The following STAG1 variants were observed in gnomAD, a reference collection of about 807,000 sequenced individuals.
STAG1 encodes STAG1 cohesin complex component, also known as cohesin subunit SA-1.
A neutral mutation model predicts 170.9 loss-of-function variants in STAG1; 26 were observed. That is an observed-to-expected ratio of 0.15 (90% CI 0.11 to 0.21). The LOEUF (loss-of-function observed/expected upper bound fraction) is 0.21, where lower values mean the gene tolerates loss of function less well. STAG1 is among the 10% of genes least tolerant of loss of function. The probability of loss-of-function intolerance (pLI) is 1.00; values close to 1 mark genes in which losing one functional copy is unlikely to be tolerated. For missense variants in STAG1, 964 were observed against 1,509.5 expected (o/e 0.64, Z 5.99); for synonymous variants, 514 against 497.7 (o/e 1.03, Z -0.44).
rs765599791 is a variant in STAG1 at position 136,452,143 on chromosome 3, A to G, written c.1318T>C (p.Phe440Leu). ...AAGEFLHKKL[F>L]SRHDPQAEEA... ...TCTGCTTGTGGGTCATGTCTGCTAA[A>G]TAGCCTGGAAATGAAAAACAGGGCA... Residue 440 changes from phenylalanine (F) to leucine (L), a missense_variant, in exon 14 of 34, where the codon TTT becomes CTT. By Grantham distance (22) the Phe-to-Leu change is conservative. Coordinates refer to ENST00000383202, the MANE Select transcript of STAG1 (RefSeq NM_005862.3). 5 of 1,609,712 alleles carry G rather than the reference A, an allele frequency of 3.1e-6. No homozygotes were observed. Among genetic ancestry groups the G allele is most frequent in the South Asian group, 1.1e-5 (1 of 90,610 alleles).
At chr3:136,714,563 C>A (rs1943469150) in intron 1 of STAG1, among the ~76,000 whole-genome samples, 1 of 151,586 alleles carries the variant, frequency 6.6e-6, no homozygotes, top group South Asian at 2.1e-4. Flanking sequence ...CCCGTCTCTA[C>A]TAAAAATACA....
At chr3:136,719,766 T>C (rs1303416284) in intron 1 of STAG1, among the ~76,000 whole-genome samples, 1 of 151,962 alleles carries the variant, frequency 6.6e-6, no homozygotes, top group African/African-American at 2.4e-5. Flanking sequence ...CAGGGCAATC[T>C]AGGATGGACT....
intron 32 of STAG1, among the ~76,000 whole-genome samples, chr3:136,339,395 T>C (rs1016711011): frequency 6.6e-6 from 1 of 152,166 alleles, no homozygotes; most frequent in African/African-American, 2.4e-5. Context: ...TGGTGGCATG[T>C]GCCTATAGTG....
chr3:136,403,542 G>A (rs909976378), intron 21 of STAG1, among the ~76,000 whole-genome samples: 1 of 151,980 alleles, frequency 6.6e-6, no homozygotes, highest in East Asian at 1.9e-4. Context: ...ATAATAATGA[G>A]GTCTGAATGG....
chr3:136,604,541 C>G, intron 3 of STAG1, 68 bp from the exon 4 acceptor site: 1 of 1,317,382 alleles, frequency 7.6e-7, no homozygotes, highest in Admixed American at 2.8e-5. Flanking sequence ...ATGATCACTA[C>G]TATAGAAGAA....
At chr3:136,585,952 T>C (rs1350846051) in intron 4 of STAG1, among the ~76,000 whole-genome samples, 1 of 152,162 alleles carries the variant, frequency 6.6e-6, no homozygotes, top group African/African-American at 2.4e-5. Flanking sequence ...TCAAACCAAA[T>C]TTATTGAGAA....
chr3:136,499,557 A>G (rs1284346309), intron 9 of STAG1, among the ~76,000 whole-genome samples: 2 of 152,192 alleles, frequency 1.3e-5, no homozygotes, highest in Non-Finnish European at 2.9e-5. Context: ...CATCACATCT[A>G]ATCAACAGAA....
intron 7 of STAG1, among the ~76,000 whole-genome samples, chr3:136,504,396 C>A (rs1933648268): frequency 6.6e-6 from 1 of 152,144 alleles, no homozygotes; most frequent in East Asian, 1.9e-4. Flanking sequence ...GAAAATGTTT[C>A]TTTCCCTGTG....
chr3:136,342,666 T>C (rs937395089), intron 30 of STAG1, among the ~76,000 whole-genome samples: 2 of 152,244 alleles, frequency 1.3e-5, no homozygotes, highest in Admixed American at 6.5e-5. Context: ...ATGTAAACTT[T>C]AGTGGTTTTT....
chr3:136,559,393 A>T (rs920613527), intron 5 of STAG1, among the ~76,000 whole-genome samples: 14 of 151,956 alleles, frequency 9.2e-5, no homozygotes, highest in Admixed American at 9.2e-4. Flanking sequence ...AATAACAATT[A>T]AAAAAAAGCA....
At chr3:136,549,889 T>C (rs1315673554) in intron 5 of STAG1, among the ~76,000 whole-genome samples, 1 of 152,218 alleles carries the variant, frequency 6.6e-6, no homozygotes, top group African/African-American at 2.4e-5. Context: ...AAAAGGGTGC[T>C]GGATTTTATA....
chr3:136,718,162 T>A (rs1465118142), intron 1 of STAG1, among the ~76,000 whole-genome samples: 2 of 152,138 alleles, frequency 1.3e-5, no homozygotes, highest in Non-Finnish European at 2.9e-5. Flanking sequence ...AGTAACCAAT[T>A]CTTAGTAAAG....
intron 16 of STAG1, among the ~76,000 whole-genome samples, chr3:136,433,082 T>G (rs1044969561): frequency 2.7e-5 from 4 of 150,656 alleles, no homozygotes; most frequent in African/African-American, 9.7e-5. Flanking sequence ...GCCTACCTCT[T>G]CAAACCAACA....
chr3:136,341,532 A>G lies in STAG1; in HGVS notation c.3466T>C (p.Trp1156Arg). 1 of 1,612,306 alleles carries G rather than the reference A, an allele frequency of 6.2e-7. No homozygotes were observed. Among genetic ancestry groups the G allele is most frequent in the Non-Finnish European group, 8.5e-7 (1 of 1,178,574 alleles). ...TCTTCTAACTTCGGCTGGCCTAACC[A>G]AGAGATCTGCATCTGAGGACTAAGA... is the stretch of plus-strand genomic sequence containing the variant. ...FLHNPQMQISWLGQPKLEDLN... is the reference protein window; with the variant it reads ...FLHNPQMQISRLGQPKLEDLN... Residue 1156 changes from tryptophan (W) to arginine (R), a missense_variant, in exon 31 of 34, where the codon TGG (tryptophan) becomes CGG (arginine). Trp to Arg is a moderately radical substitution (Grantham distance 101, BLOSUM62 -3). Coordinates refer to ENST00000383202, the MANE Select transcript of STAG1 (RefSeq NM_005862.3).
chr3:136,709,661 G>C (rs1289168047), intron 1 of STAG1, among the ~76,000 whole-genome samples: 2 of 151,996 alleles, frequency 1.3e-5, no homozygotes, highest in Non-Finnish European at 2.9e-5. Flanking sequence ...CTTGATCCCA[G>C]GAGTTCAAGG....
chr3:136,568,716 T>C (rs772826887), intron 5 of STAG1, 49 bp downstream of exon 5: 1 of 1,360,918 alleles, frequency 7.3e-7, no homozygotes, highest in Non-Finnish European at 1.0e-6. Flanking sequence ...AAAGTCACAC[T>C]GCTGGACTGA....
rs1183492118 is a variant in STAG1, at chr3:136,377,686, T to C, written c.2344A>G (p.Asn782Asp). 3 of 1,613,852 alleles carry C rather than the reference T, an allele frequency of 1.9e-6. No individual in the cohort carries two copies. Among genetic ancestry groups the C allele is most frequent in the Non-Finnish European group, 2.5e-6 (3 of 1,179,968 alleles). Residue 782 changes from asparagine to aspartate, a missense_variant, in exon 23 of 34, where the codon AAT becomes GAT. Transcript: ENST00000383202. Reference protein sequence around the residue: ...FLAVCQQCLSNVNTPVKEQAF... With the variant: ...FLAVCQQCLSDVNTPVKEQAF... ...TGTTCTTTCACTGGAGTATTAACAT[T>C]AGACAGGCACTGCTGGCAAACAGCC... is the stretch of plus-strand genomic sequence containing the variant.
At chr3:136,379,690 T>C (rs1290018967) in intron 22 of STAG1, among the ~76,000 whole-genome samples, 2 of 151,982 alleles carry the variant, frequency 1.3e-5, no homozygotes, top group Non-Finnish European at 2.9e-5. Flanking sequence ...GCCCGGTCAA[T>C]AGAGCAAGAC....
chr3:136,455,018 G>C (rs1361757136), intron 13 of STAG1, among the ~76,000 whole-genome samples: 1 of 152,182 alleles, frequency 6.6e-6, no homozygotes, highest in Admixed American at 6.5e-5. Flanking sequence ...CAAACTGTAA[G>C]TTTCTCCAAG....
Sources: allele counts gnomAD v4.1 joint callset (sites outside exome capture counted in the v4.1 genomes callset), GRCh38; gene constraint gnomAD v4.1.1; transcripts MANE v1.5; gene names NCBI Gene and HGNC (gene_info 2026-07-23, HGNC 2026-07-21).